The following PAICS variants were observed in gnomAD, a reference collection of about 807,000 sequenced individuals.
PAICS encodes the protein bifunctional phosphoribosylaminoimidazole carboxylase/phosphoribosylaminoimidazole succinocarboxamide synthetase.
In PAICS, 33 loss-of-function variants were observed where a neutral mutation model predicts 53.7. The observed-to-expected ratio is 0.61, with a 90% CI of 0.47 to 0.82. PAICS has a LOEUF of 0.82. Ranked by LOEUF, PAICS falls within the 40% of genes least tolerant of loss-of-function variation. The pLI, the probability that PAICS is intolerant of heterozygous loss-of-function variation, is 0.00. For missense variants in PAICS, 394 were observed against 494.1 expected, an observed-to-expected ratio of 0.80 and a Z score of 1.92; for synonymous variants, 141 against 167.2, an observed-to-expected ratio of 0.84 and a Z score of 1.21.
intron 2 of PAICS, chr4:56,446,255 C>T: frequency 1.6e-6 from 1 of 615,346 alleles, no homozygotes. Flanking sequence ...ACTTTTTCAT[C>T]ATCCCAAACA....
chr4:56,448,302 G>C lies in PAICS; in HGVS notation c.394-116G>C, dbSNP rs1191045366. The C allele has an allele frequency of 3.3e-5, 22 of 661,032 alleles. No homozygotes were observed. In the East Asian group the frequency reaches 6.0e-4, roughly 18 times the overall value. 40.9% of individuals were successfully genotyped at this position (661,032 alleles called of 1,614,324 possible). A position where few individuals can be genotyped will look rare whatever the true frequency, so the allele number is the denominator to read the frequency against. Reference sequence around the variant, plus strand: ...TTACAGGCATGAGCCACCATGCCCGGCTGTGGCTAAAAATTTCTAAGGAGT... The same window carrying C: ...TTACAGGCATGAGCCACCATGCCCGCCTGTGGCTAAAAATTTCTAAGGAGT... On this transcript the variant is annotated intron_variant, in intron 3 of 8. Coordinates refer to ENST00000512576, the MANE Select transcript of PAICS (RefSeq NM_001079524.2).
At chr4:56,438,320 A>G (rs1718126737) in intron 1 of PAICS, among the ~76,000 whole-genome samples, 1 of 148,614 alleles carries the variant, frequency 6.7e-6, no homozygotes, top group South Asian at 2.1e-4. Context: ...TTTGTCTTCT[A>G]TAAGCCACAT....
At chr4:56,419,171 G>A in the PAICS span, among the ~76,000 whole-genome samples, 3 of 152,028 alleles carry the variant, frequency 2.0e-5, no homozygotes, top group South Asian at 2.1e-4. Flanking sequence ...AAAGGAAATC[G>A]TAAGATAAAG....
chr4:56,460,403 G>A lies in PAICS; in HGVS notation c.*865G>A, dbSNP rs1360129415. The A allele has an allele frequency of 6.6e-6, 1 of 152,068 alleles. No homozygotes were observed. The highest frequency in any genetic ancestry group is 2.4e-5 in the African/African-American group (1 of 41,380). The allele number at this position is 152,068 out of a possible 1,614,324, so 9.4% of individuals were successfully genotyped here. On this transcript the variant is annotated 3_prime_UTR_variant, in exon 9 of 9. Coordinates refer to ENST00000512576, the MANE Select transcript of PAICS (RefSeq NM_001079524.2). ...TGGTGTTAATTTCTGATTAACCCTT[G>A]AATTTACCGTCTTCTCATCCTCTGT...
At chr4:56,429,048 C>G in the PAICS span, 3 of 536,450 alleles carry the variant, frequency 5.6e-6, no homozygotes, top group Non-Finnish European at 7.1e-6. Context: ...ACAGTGGAAA[C>G]AACTTGTTGC....
chr4:56,418,494 AT>A, the PAICS span, among the ~76,000 whole-genome samples: 1 of 151,874 alleles, frequency 6.6e-6, no homozygotes, highest in East Asian at 2.0e-4. Context: ...TAATTTTTGC[AT>A]TTTTTTGTAG....
intron 1 of PAICS, among the ~76,000 whole-genome samples, chr4:56,439,055 G>A (rs534348712): frequency 6.6e-6 from 1 of 152,170 alleles, no homozygotes; most frequent in Non-Finnish European, 1.5e-5. Context: ...GGTATGTCAC[G>A]TATGGTTGTT....
intron 6 of PAICS, 156 bp downstream of exon 6, chr4:56,450,858 C>T: frequency 1.8e-6 from 1 of 552,082 alleles, no homozygotes; most frequent in African/African-American, 1.9e-5. Flanking sequence ...TGCTCTGTCG[C>T]CCAGGCTGGA....
the PAICS span, among the ~76,000 whole-genome samples, chr4:56,429,618 C>A: frequency 6.6e-6 from 1 of 152,298 alleles, no homozygotes; most frequent in Non-Finnish European, 1.5e-5. Context: ...CTCTCTGGAT[C>A]TCTAAAATAA....
In PAICS at chr4:56,446,800, C is replaced by A; in HGVS notation, c.320C>A (p.Ser107Tyr). ...GTTTGCAGAAGAATAGCAACTGGTT[C>A]TTTTCTCAAAAGAAATCCTGGTGTC... ...EWVCRRIATG[S>Y]FLKRNPGVKE... The change falls in exon 3 of 9, where the codon TCT becomes TAT. Residue 107 changes from serine (S) to tyrosine (Y), a missense_variant. By Grantham distance (144) the Ser-to-Tyr change is moderately radical (BLOSUM62 -2). Coordinates refer to ENST00000512576, the MANE Select transcript of PAICS (RefSeq NM_001079524.2). 1 of 1,609,688 alleles carries A rather than the reference C, an allele frequency of 6.2e-7. No individual in the cohort carries two copies. Among genetic ancestry groups the A allele is most frequent in the Non-Finnish European group, 8.5e-7 (1 of 1,177,562 alleles).
upstream of PAICS, among the ~76,000 whole-genome samples, chr4:56,430,782 A>G (rs931589751): frequency 6.6e-6 from 1 of 151,742 alleles, no homozygotes; most frequent in Non-Finnish European, 1.5e-5. Context: ...ACCTTACAAT[A>G]TATAAGTCTA....
intron 8 of PAICS, among the ~76,000 whole-genome samples, chr4:56,455,588 A>G (rs894769100): frequency 1.4e-4 from 22 of 152,282 alleles, no homozygotes; most frequent in Non-Finnish European, 2.6e-4. Context: ...AAAGAATACA[A>G]AAGGTAAATT....
intron 5 of PAICS, among the ~76,000 whole-genome samples, chr4:56,449,502 C>A (rs1718788323): frequency 6.6e-6 from 1 of 152,132 alleles, no homozygotes; most frequent in Non-Finnish European, 1.5e-5. Flanking sequence ...TTTGACCCAG[C>A]AATCCCATTA....
At chr4:56,411,244 A>G in the PAICS span, among the ~76,000 whole-genome samples, 4,073 of 152,304 alleles carry the variant, frequency 0.027, 200 homozygotes, top group African/African-American at 0.092. Context: ...AGAGTGGTAA[A>G]TAAGGGGAAA....
At chr4:56,426,169 A>C in the PAICS span, among the ~76,000 whole-genome samples, 2 of 152,170 alleles carry the variant, frequency 1.3e-5, no homozygotes, top group African/African-American at 4.8e-5. Flanking sequence ...GTGGGAGGCC[A>C]AGGCAGGCAG....
chr4:56,455,862 T>C (rs1719165635), intron 8 of PAICS, among the ~76,000 whole-genome samples: 3 of 152,224 alleles, frequency 2.0e-5, no homozygotes, highest in Admixed American at 6.5e-5. Flanking sequence ...TGTGATGTGC[T>C]GAGTCTGTTT....
upstream of PAICS, chr4:56,435,292 G>C: frequency 6.2e-7 from 1 of 1,605,268 alleles, no homozygotes; most frequent in Non-Finnish European, 8.5e-7. Flanking sequence ...GCCGACTGCG[G>C]GAAGCGGCTC....
At chr4:56,457,151 G>T (rs1170195587) in intron 8 of PAICS, among the ~76,000 whole-genome samples, 1 of 152,208 alleles carries the variant, frequency 6.6e-6, no homozygotes, top group African/African-American at 2.4e-5. Context: ...TAAAGGCCTG[G>T]CTTGGTGGCT....
intron 1 of PAICS, among the ~76,000 whole-genome samples, chr4:56,438,587 C>T (rs1432255148): frequency 6.6e-6 from 1 of 151,506 alleles, no homozygotes; most frequent in Non-Finnish European, 1.5e-5. Context: ...GCACACTCCA[C>T]CACACCCGGC....
Sources: gnomAD v4.1 joint callset for allele counts (sites outside exome capture counted in the v4.1 genomes callset) on GRCh38, gnomAD v4.1.1 for gene constraint, MANE v1.5 for transcripts, NCBI Gene and HGNC (gene_info 2026-07-23, HGNC 2026-07-21) for gene names.